XIST: variants seen among roughly 807,000 people sequenced by gnomAD.
XIST encodes the protein X inactive specific transcript (non-protein coding).
At chrX:73,829,373 TTA>T (rs1282465506) in intron 4 of XIST, 26 of 417,955 alleles carry the variant, frequency 6.2e-5, no homozygotes, top group Non-Finnish European at 1.0e-4. Flanking sequence ...TTTTAGGTCT[TTA>T]GAGAGAAAAT....
chrX:73,843,115 G>C (rs749260831), exon 1 of XIST: 2 of 558,369 alleles, frequency 3.6e-6, no homozygotes, highest in Admixed American at 4.4e-5. Flanking sequence ...ACAAGGTCAG[G>C]GAGGGAGAAA....
At chrX:73,840,597 A>G (rs973878138) in intron 1 of XIST, among the ~76,000 whole-genome samples, 7 of 111,726 alleles carry the variant, frequency 6.3e-5, no homozygotes, top group African/African-American at 2.3e-4. Flanking sequence ...TCACTTCTCC[A>G]CTACCCTCTT....
At chrX:73,836,032 G>A (rs1922476199) in intron 2 of XIST, among the ~76,000 whole-genome samples, 1 of 111,035 alleles carries the variant, frequency 9.0e-6, no homozygotes, top group Admixed American at 9.6e-5. Flanking sequence ...GTCTTAAATA[G>A]GCACTTTGGA....
At chrX:73,845,321 T>C in exon 1 of XIST, 1 of 552,569 alleles carries the variant, frequency 1.8e-6, no homozygotes, top group South Asian at 2.2e-5. Flanking sequence ...GCCTTGGTGA[T>C]CAGCACCCCT....
chrX:73,846,496 C>T, exon 1 of XIST: 5 of 559,163 alleles, frequency 8.9e-6, no homozygotes, highest in African/African-American at 6.6e-5. Context: ...ATCAGCAACC[C>T]TTCTGTATTG....
At position 73,850,691 on chromosome X, in the gene XIST, G is replaced by A. The variant is rs1243540512; in HGVS notation, n.2033C>T. On this transcript the variant is annotated non_coding_transcript_exon_variant, in exon 1 of 6. Coordinates refer to ENST00000429829, the Ensembl canonical transcript of XIST. ...GTGCAGGGCAGACCAGAGGGGGGTA[G>A]GGGGGTAGGGGGGTAGGGGGGTGGG... 1.8e-5 allele frequency: 5 copies of A among 279,623 alleles called. No homozygotes were observed. In the African/African-American group the frequency reaches 1.9e-4, roughly 11 times the overall value. 23.0% of individuals were successfully genotyped at this position (279,623 alleles called of 1,213,427 possible).
exon 1 of XIST, chrX:73,845,383 C>T (rs1922723327): frequency 1.8e-6 from 1 of 556,287 alleles, no homozygotes; most frequent in Admixed American, 2.2e-5. Flanking sequence ...ATGGGATGGG[C>T]CATGTGCAGT....
chrX:73,850,415 C>G lies in XIST; in HGVS notation n.2309G>C, dbSNP rs113875722. Reference sequence around the variant, plus strand: ...TCTTAATACATTTCTATAATAGTCACTTAAGACTTAAATTCAAACACTAGC... The same window carrying G: ...TCTTAATACATTTCTATAATAGTCAGTTAAGACTTAAATTCAAACACTAGC... On this transcript the variant is annotated non_coding_transcript_exon_variant, in exon 1 of 6. Transcript: ENST00000429829. 7.4e-6 allele frequency: 4 copies of G among 537,621 alleles called. No individual in the cohort carries two copies. In the Admixed American group the frequency reaches 9.5e-5, roughly 13 times the overall value. 44.3% of individuals were successfully genotyped at this position (537,621 alleles called of 1,213,427 possible). A position where few individuals can be genotyped will look rare whatever the true frequency, so the allele number is the denominator to read the frequency against.
chrX:73,830,421 G>T (rs772358175), intron 4 of XIST, among the ~76,000 whole-genome samples: 2 of 111,897 alleles, frequency 1.8e-5, no homozygotes, highest in Non-Finnish European at 3.8e-5. Flanking sequence ...ATACGTTCAG[G>T]ATTTATTGCA....
chrX:73,838,035 A>T (rs1357127891), intron 1 of XIST, among the ~76,000 whole-genome samples: 1 of 111,899 alleles, frequency 8.9e-6, no homozygotes, highest in East Asian at 2.8e-4. Context: ...TCCTGGAAAG[A>T]CCTAGTCAAT....
chrX:73,835,547 C>T (rs1895092883), intron 2 of XIST, among the ~76,000 whole-genome samples: 1 of 112,142 alleles, frequency 8.9e-6, no homozygotes. Flanking sequence ...CTAATTTGTA[C>T]ATCTGCTATG....
chrX:73,822,251 C>T, exon 6 of XIST: 1 of 558,135 alleles, frequency 1.8e-6, no homozygotes, highest in Non-Finnish European at 3.2e-6. Context: ...AAGGAGAGTT[C>T]CTGTAACTTA....
exon 1 of XIST, chrX:73,852,531 C>T (rs1370627341): frequency 1.9e-6 from 1 of 532,270 alleles, no homozygotes; most frequent in Non-Finnish European, 3.3e-6. Flanking sequence ...ATATGGAGGA[C>T]GTGTCAAGAA....
Position 73,822,797 on chromosome X carries a change from C to T in XIST, n.17104G>A, listed in dbSNP as rs1922153966. Reference sequence around the variant, plus strand: ...CTCGTATGAACGAAAAAATAAAAAGCCCTCTCTTATTCCCACTCTACAACG... The same window carrying T: ...CTCGTATGAACGAAAAAATAAAAAGTCCTCTCTTATTCCCACTCTACAACG... On this transcript the variant is annotated non_coding_transcript_exon_variant, in exon 6 of 6. Coordinates refer to ENST00000429829, the Ensembl canonical transcript of XIST. The T allele has an allele frequency of 5.4e-6, 3 of 555,688 alleles. No individual in the cohort carries two copies. In the East Asian group the frequency reaches 9.8e-5, roughly 18 times the overall value. 45.8% of individuals were successfully genotyped at this position (555,688 alleles called of 1,213,427 possible).
At chrX:73,847,836 C>T in exon 1 of XIST, 1 of 558,724 alleles carries the variant, frequency 1.8e-6, no homozygotes, top group South Asian at 2.2e-5. Context: ...AGGGAGAGAC[C>T]ATGAACATTG....
chrX:73,848,647 T>G (rs1922835226), exon 1 of XIST: 1 of 556,568 alleles, frequency 1.8e-6, no homozygotes, highest in African/African-American at 2.2e-5. Flanking sequence ...GAGCTGTTAT[T>G]GAATAATCTG....
At chrX:73,849,698 A>T (rs750210434) in exon 1 of XIST, 2 of 558,298 alleles carry the variant, frequency 3.6e-6, no homozygotes, top group Non-Finnish European at 6.5e-6. Flanking sequence ...AGTACTGAAG[A>T]TCAGCAATGC....
intron 1 of XIST, among the ~76,000 whole-genome samples, chrX:73,841,092 T>C (rs1283559627): frequency 8.9e-6 from 1 of 111,906 alleles, no homozygotes; most frequent in Non-Finnish European, 1.9e-5. Context: ...TAAAATCATC[T>C]CAGGAATGAA....
exon 6 of XIST, chrX:73,827,339 A>G (rs762638094): frequency 1.8e-6 from 1 of 558,754 alleles, no homozygotes; most frequent in Non-Finnish European, 3.2e-6. Flanking sequence ...ATTTAAGGAG[A>G]GATTACATGA....
Sources: allele counts gnomAD v4.1 joint callset (sites outside exome capture counted in the v4.1 genomes callset), GRCh38; gene constraint gnomAD v4.1.1; transcripts MANE v1.5; gene names NCBI Gene and HGNC (gene_info 2026-07-23, HGNC 2026-07-21).